Variants in GET1 observed in about 807,000 individuals in gnomAD.
GET1 encodes the protein guided entry of tail-anchored proteins factor 1, also known as congenital heart disease 5 protein.
Under a neutral mutation model 22.6 loss-of-function variants are expected in GET1, and 20 were observed. That is an observed-to-expected ratio of 0.89 (90% confidence interval 0.62 to 1.29). The LOEUF is 1.29. Among genes scored for constraint, GET1 ranks in the 50% most tolerant of loss-of-function variants. The pLI is 0.00. For missense variants in GET1, 209 were observed against 219.9 expected (o/e 0.95, Z 0.31); for synonymous variants, 92 against 83.8 (o/e 1.10, Z -0.53).
chr21:39,401,068 G>A (rs960603231), downstream of GET1, among the ~76,000 whole-genome samples: 1 of 152,022 alleles, frequency 6.6e-6, no homozygotes, highest in African/African-American at 2.4e-5. Flanking sequence ...GCGCCACCAT[G>A]CCTGGCTGTT....
chr21:39,422,518 G>C lies in GET1; in HGVS notation c.*24-5714G>C, dbSNP rs897184602. 1.4e-4 allele frequency: 24 copies of C among 177,222 alleles called. No homozygotes were observed. The East Asian group carries it at 3.6e-3, about 26-fold the overall frequency. The allele number at this position is 177,222 out of a possible 1,614,324, so 11.0% of individuals were successfully genotyped here. Reference sequence around the variant, plus strand: ...TACAAATGTCTGTGTGGTAATTCCTGGCCAAAATGGTGAGGGAGAATACAA... The same window carrying C: ...TACAAATGTCTGTGTGGTAATTCCTCGCCAAAATGGTGAGGGAGAATACAA... On this transcript the variant is annotated intron_variant, in intron 1 of 1. Transcript: ENST00000478273.
chr21:39,390,665 G>A, intron 1 of GET1, 33 bp from the exon 2 acceptor site: 1 of 1,611,988 alleles, frequency 6.2e-7, no homozygotes, highest in South Asian at 1.1e-5. Flanking sequence ...ACCCGTGTTG[G>A]AAGGTGCTGA....
chr21:39,414,716 CTCT>C, intron 1 of GET1, among the ~76,000 whole-genome samples: 3 of 104,470 alleles, frequency 2.9e-5, no homozygotes, highest in African/African-American at 1.1e-4. Context: ...TTCTCTCCCT[CTCT>C]CTCTCTCTCT....
chr21:39,380,393 A>T lies in GET1; in HGVS notation c.9A>T (p.Ser3=). 5 of 1,607,176 alleles carry T rather than the reference A, an allele frequency of 3.1e-6. No individual in the cohort carries two copies. Among genetic ancestry groups the T allele is most frequent in the Non-Finnish European group, 4.3e-6 (5 of 1,176,256 alleles). MS[S]AAADHWAWLL... ...AGCCAGGAGCGTCCGGGATGAGCTCAGCCGCGGCCGACCACTGGGCGTGGT... is the reference window on the plus strand; with the variant it reads ...AGCCAGGAGCGTCCGGGATGAGCTCTGCCGCGGCCGACCACTGGGCGTGGT... The change falls in exon 1 of 5, where the codon TCA becomes TCT. Residue 3 remains serine, a synonymous_variant. Transcript: ENST00000649170.
intron 1 of GET1, among the ~76,000 whole-genome samples, chr21:39,389,752 C>T (rs1297761897): frequency 6.6e-6 from 1 of 152,116 alleles, no homozygotes; most frequent in Non-Finnish European, 1.5e-5. Flanking sequence ...GTGGGAAGGC[C>T]CTCTGCACTG....
rs113222436 is a variant in GET1, at chr21:39,426,388, C to T, written c.*24-1844C>T. Among the ~76,000 whole-genome samples, 38 of 152,294 alleles carry T rather than the reference C, an allele frequency of 2.5e-4. 1 individual carries two copies. Among genetic ancestry groups the T allele is most frequent in the Admixed American group, 1.7e-3 (26 of 15,294 alleles). ...TTGTAGAAAGTTTTATAAATGCCAA[C>T]TGCCCTCTTGCATGATCCCACAAAA... On this transcript the variant is annotated intron_variant, in intron 1 of 1. Transcript: ENST00000478273.
At chr21:39,426,476 C>T (rs2074730624) in intron 1 of GET1, among the ~76,000 whole-genome samples, 1 of 152,118 alleles carries the variant, frequency 6.6e-6, no homozygotes, top group African/African-American at 2.4e-5. Flanking sequence ...ACCCTTGGAA[C>T]CAGACTGTTT....
At position 39,428,373 on chromosome 21, in the gene GET1, T is replaced by TC. The variant is rs977411825; in HGVS notation, c.*167dup. On this transcript the variant is annotated 3_prime_UTR_variant, in exon 2 of 2. Coordinates refer to the GET1 transcript ENST00000478273. Reference sequence around the variant, plus strand: ...ACACTCTTATTGGAAGCATTACTGTTCCGTGAAAAATCGCCTGTGCCTGGG... The same window carrying TC: ...ACACTCTTATTGGAAGCATTACTGTTCCCGTGAAAAATCGCCTGTGCCTGGG... 3 of 1,613,406 alleles carry TC rather than the reference T, an allele frequency of 1.9e-6. No individual in the cohort carries two copies. In the African/African-American group the frequency reaches 4.0e-5, roughly 22 times the overall value.
downstream of GET1, chr21:39,397,979 A>T (rs560122066): frequency 9.2e-5 from 14 of 152,342 alleles, no homozygotes; most frequent in African/African-American, 3.4e-4. Flanking sequence ...CTGTGAGAAG[A>T]CAAAGTGCTG....
chr21:39,421,206 G>A (rs546241227), intron 1 of GET1, among the ~76,000 whole-genome samples: 21 of 150,736 alleles, frequency 1.4e-4, no homozygotes, highest in Non-Finnish European at 2.2e-4. Context: ...GGGTTCAAAC[G>A]ATTCTCCTGC....
chr21:39,405,679 G>A (rs1360907620), intron 4 of GET1, among the ~76,000 whole-genome samples: 2 of 152,100 alleles, frequency 1.3e-5, no homozygotes, highest in African/African-American at 4.8e-5. Context: ...ATGTAAATTT[G>A]TATTTGAAGT....
intron 1 of GET1, chr21:39,387,680 A>AC (rs1569033806): frequency 7.5e-6 from 1 of 133,974 alleles, no homozygotes; most frequent in African/African-American, 4.0e-5. Flanking sequence ...CACCCCCCCT[A>AC]CTCCCCACAC....
At chr21:39,387,692 C>T (rs996297832) in intron 1 of GET1, 9 of 282,698 alleles carry the variant, frequency 3.2e-5, no homozygotes, top group African/African-American at 3.0e-4. Flanking sequence ...TCCCCACACT[C>T]CCCCCCCCCA....
chr21:39,384,197 C>A (rs547664317), intron 1 of GET1, among the ~76,000 whole-genome samples: 1 of 152,072 alleles, frequency 6.6e-6, no homozygotes, highest in Admixed American at 6.6e-5. Flanking sequence ...AAATCTTTTG[C>A]CCCCTTTTAA....
At chr21:39,382,237 T>A (rs573549831) in intron 1 of GET1, among the ~76,000 whole-genome samples, 14 of 152,058 alleles carry the variant, frequency 9.2e-5, no homozygotes, top group African/African-American at 3.1e-4. Flanking sequence ...GTATTTTTAA[T>A]AGAGACGGGG....
chr21:39,422,315 T>C (rs777197301), intron 1 of GET1: 1 of 152,322 alleles, frequency 6.6e-6, no homozygotes, highest in Non-Finnish European at 1.5e-5. Flanking sequence ...AGGAGAATTC[T>C]TAATATGATA....
chr21:39,407,865 T>C (rs1346730645), downstream of GET1: 1 of 152,256 alleles, frequency 6.6e-6, no homozygotes, highest in Non-Finnish European at 1.5e-5. Flanking sequence ...ACAGTGCAAC[T>C]GCAACTGACG....
At chr21:39,396,765 A>T (rs2038682884) in intron 4 of GET1, 101 bp from the exon 5 acceptor site, 8 of 1,103,012 alleles carry the variant, frequency 7.3e-6, no homozygotes, top group Non-Finnish European at 1.1e-5. Flanking sequence ...ACTGCTCAAA[A>T]AGAATGGAAA....
downstream of GET1, chr21:39,408,541 G>GCC (rs1025235695): frequency 2.0e-5 from 3 of 152,384 alleles, no homozygotes; most frequent in African/African-American, 7.2e-5. Context: ...CACCAGGTGA[G>GCC]CCAGGGCCTT....
Sources: allele counts gnomAD v4.1 joint callset (sites outside exome capture counted in the v4.1 genomes callset), GRCh38; gene constraint gnomAD v4.1.1; transcripts MANE v1.5; gene names NCBI Gene and HGNC (gene_info 2026-07-23, HGNC 2026-07-21).